The following PEX5L variants were observed in gnomAD, a reference collection of about 807,000 sequenced individuals.
PEX5L encodes PEX5-related protein.
In PEX5L, 30 loss-of-function variants were observed where a neutral mutation model predicts 84.0. That is an observed-to-expected ratio of 0.36 (90% confidence interval 0.27 to 0.48). The LOEUF (loss-of-function observed/expected upper bound fraction) is 0.48. Among genes scored for constraint, PEX5L ranks in the 20% least tolerant of loss-of-function variants. PEX5L has a pLI of 0.99. For synonymous variants in PEX5L, 270 were observed against 283.1 expected (o/e 0.95, Z 0.46); for missense variants, 533 against 754.6 (o/e 0.71, Z 3.44).
intron 1 of PEX5L, among the ~76,000 whole-genome samples, chr3:180,026,320 TC>T (rs1790954706): frequency 6.6e-6 from 1 of 152,038 alleles, no homozygotes; most frequent in African/African-American, 2.4e-5. Flanking sequence ...AAGAAGACTT[TC>T]TTTTTGTCTT....
rs139500850 is a variant in PEX5L at position 179,864,976 on chromosome 3, C to T, written c.727-5819G>A. Among the ~76,000 whole-genome samples the T allele has an allele frequency of 3.6e-3, 546 of 152,260 alleles. 2 individuals are homozygous for T. Among genetic ancestry groups the T allele is most frequent in the African/African-American group, 0.012 (503 of 41,560 alleles). On this transcript the variant is annotated intron_variant, in intron 7 of 14. Coordinates refer to ENST00000467460, the MANE Select transcript of PEX5L (RefSeq NM_016559.3). ...TTCTCACCAGTAAGATACAACCTCA[C>T]TTTCCTGTGAAGCCTGACCTAACAG...
At chr3:179,830,991 A>C (rs769643792) in intron 8 of PEX5L, among the ~76,000 whole-genome samples, 1 of 152,206 alleles carries the variant, frequency 6.6e-6, no homozygotes, top group African/African-American at 2.4e-5. Flanking sequence ...TTATGTAAGT[A>C]AGATCACATT....
chr3:179,982,176 T>A (rs1439752807), intron 1 of PEX5L, among the ~76,000 whole-genome samples: 2 of 152,206 alleles, frequency 1.3e-5, no homozygotes, highest in Non-Finnish European at 2.9e-5. Context: ...ATAATGTTTA[T>A]CCTCTTATTC....
At chr3:179,805,105 G>A (rs1168688182) in intron 14 of PEX5L, among the ~76,000 whole-genome samples, 2 of 143,292 alleles carry the variant, frequency 1.4e-5, no homozygotes, top group East Asian at 2.1e-4. Context: ...GGTGACAGAA[G>A]CCTCCATCTC....
In PEX5L at chr3:179,809,657, A is replaced by G; in HGVS notation, c.1166T>C (p.Leu389Ser). The change falls in exon 12 of 15, where the codon TTA (leucine) becomes TCA (serine). Residue 389 changes from leucine (L) to serine (S), a missense_variant. This residue lies in a region of PEX5L where 32 missense variants were observed against 45.5 expected (regional missense o/e 0.70). Coordinates refer to ENST00000467460, the MANE Select transcript of PEX5L (RefSeq NM_016559.3). ...AIVALQRCLE[L>S]QPNNLKALMA... ...CAAAGCTTTTAAGTTGTTGGGCTGT[A>G]ATTCTAAGCACCTGAAAAAAAAAAA... 1 of 1,574,380 alleles carries G rather than the reference A, an allele frequency of 6.4e-7. No homozygotes were observed. Among genetic ancestry groups the G allele is most frequent in the South Asian group, 1.2e-5 (1 of 86,108 alleles).
At chr3:179,956,586 C>T (rs538541153) in intron 2 of PEX5L, among the ~76,000 whole-genome samples, 21 of 152,258 alleles carry the variant, frequency 1.4e-4, no homozygotes, top group African/African-American at 5.1e-4. Flanking sequence ...TCCTAAGTTT[C>T]ATGTGGCTGT....
Position 179,797,123 on chromosome 3 carries a change from G to A in PEX5L, c.*4705C>T, listed in dbSNP as rs1231861289. The A allele has an allele frequency of 6.6e-6, 1 of 152,194 alleles. No homozygotes were observed. Among genetic ancestry groups the A allele is most frequent in the African/African-American group, 2.4e-5 (1 of 41,442 alleles). The allele number at this position is 152,194 out of a possible 1,614,324, so 9.4% of individuals were successfully genotyped here. On this transcript the variant is annotated 3_prime_UTR_variant, in exon 15 of 15. Coordinates refer to ENST00000467460, the MANE Select transcript of PEX5L (RefSeq NM_016559.3). The stretch of plus-strand genomic sequence containing the variant: ...GTGCTGAGGCAGTCAACATGATTTA[G>A]TTTAGTAGCATTCAGACACTTGGAT...
At chr3:179,906,403 G>A (rs897390032) in intron 2 of PEX5L, among the ~76,000 whole-genome samples, 1 of 152,172 alleles carries the variant, frequency 6.6e-6, no homozygotes, top group Admixed American at 6.5e-5. Context: ...TCCTAAGGAT[G>A]AGCATCTCTA....
intron 2 of PEX5L, among the ~76,000 whole-genome samples, chr3:179,917,482 T>C (rs749428922): frequency 7.9e-5 from 12 of 152,244 alleles, no homozygotes; most frequent in Admixed American, 2.0e-4. Flanking sequence ...GCTATACTTA[T>C]ACATCTGGCA....
intron 1 of PEX5L, among the ~76,000 whole-genome samples, chr3:179,997,261 C>T (rs1316510308): frequency 1.3e-5 from 2 of 152,128 alleles, no homozygotes; most frequent in Admixed American, 1.3e-4. Context: ...ATGTTGATTC[C>T]AGGGGACCCA....
chr3:179,943,705 G>A (rs1489109638), intron 2 of PEX5L, among the ~76,000 whole-genome samples: 7 of 152,186 alleles, frequency 4.6e-5, no homozygotes, highest in African/African-American at 9.7e-5. Context: ...TCTGTGGCCC[G>A]CTGCTGTCAT....
At chr3:179,850,845 T>C (rs892403442) in intron 8 of PEX5L, among the ~76,000 whole-genome samples, 13 of 152,204 alleles carry the variant, frequency 8.5e-5, no homozygotes, top group Non-Finnish European at 4.4e-5. Flanking sequence ...AATATTGTCA[T>C]AGAAAGCAAA....
In PEX5L at chr3:179,836,815, C is replaced by A. The variant is rs573146198; in HGVS notation, c.823-16839G>T. On this transcript the variant is annotated intron_variant, in intron 8 of 14. Coordinates refer to ENST00000467460, the MANE Select transcript of PEX5L (RefSeq NM_016559.3). The stretch of plus-strand genomic sequence containing the variant: ...TCTACCTTGGTTTGGGCTTCTTAGC[C>A]TTGAGAGATTTTGAAAAGTCTAATC... Among the ~76,000 whole-genome samples, 22 of 152,148 alleles carry A rather than the reference C, an allele frequency of 1.4e-4. 1 individual carries two copies. The East Asian group carries it at 4.1e-3, about 28-fold the overall frequency.
chr3:179,905,570 T>A (rs1186140373), intron 2 of PEX5L, among the ~76,000 whole-genome samples: 1 of 152,188 alleles, frequency 6.6e-6, no homozygotes, highest in East Asian at 1.9e-4. Context: ...ATCTGTGTCC[T>A]TTTTTTGTGG....
chr3:180,004,062 C>G (rs1312524872), intron 1 of PEX5L, among the ~76,000 whole-genome samples: 1 of 152,128 alleles, frequency 6.6e-6, no homozygotes. Flanking sequence ...TTTGGAACAG[C>G]CTTTTCAATT....
At chr3:179,992,417 T>A (rs1055558856) in intron 1 of PEX5L, among the ~76,000 whole-genome samples, 1 of 152,242 alleles carries the variant, frequency 6.6e-6, no homozygotes, top group African/African-American at 2.4e-5. Flanking sequence ...TACAGTGCTC[T>A]TTTTATTTTA....
At chr3:179,892,069 C>G (rs899292179) in intron 3 of PEX5L, among the ~76,000 whole-genome samples, 1 of 151,900 alleles carries the variant, frequency 6.6e-6, no homozygotes, top group African/African-American at 2.4e-5. Flanking sequence ...AAAAAGTAAC[C>G]CAAAGGTTTC....
At chr3:180,021,071 G>A (rs544867045) in intron 1 of PEX5L, among the ~76,000 whole-genome samples, 1 of 152,254 alleles carries the variant, frequency 6.6e-6, no homozygotes, top group East Asian at 1.9e-4. Context: ...ATGAGAACAT[G>A]AGGAAGGCAT....
intron 7 of PEX5L, among the ~76,000 whole-genome samples, chr3:179,862,058 CA>C (rs1746368696): frequency 6.6e-6 from 1 of 152,166 alleles, no homozygotes; most frequent in South Asian, 2.1e-4. Flanking sequence ...AAGGCATTAG[CA>C]GGGCCACGTT....
Sources: allele counts gnomAD v4.1 joint callset (sites outside exome capture counted in the v4.1 genomes callset), GRCh38; gene constraint gnomAD v4.1.1; regional missense constraint gnomAD v4.1.1; transcripts MANE v1.5; gene names NCBI Gene and HGNC (gene_info 2026-07-23, HGNC 2026-07-21).